Variants in ZMYND11 observed in about 807,000 individuals in gnomAD.
The protein encoded by ZMYND11 is zinc finger MYND-type containing 11, also known as zinc finger MYND domain-containing protein 11.
Under a neutral mutation model 84.9 loss-of-function variants are expected in ZMYND11, and 9 were observed. The observed-to-expected ratio is 0.11, with a 90% confidence interval of 0.06 to 0.18. The LOEUF (loss-of-function observed/expected upper bound fraction) is 0.18, where lower values mean the gene tolerates loss of function less well. Ranked by LOEUF, ZMYND11 falls within the 10% of genes least tolerant of loss-of-function variation. ZMYND11 has a pLI of 1.00. For synonymous variants in ZMYND11, 250 were observed against 244.1 expected, an observed-to-expected ratio of 1.02 and a Z score of -0.23; for missense variants, 409 against 761.0, an observed-to-expected ratio of 0.54 and a Z score of 5.44.
At chr10:175,228 CTG>C (rs1472343800) in intron 1 of ZMYND11, among the ~76,000 whole-genome samples, 2 of 152,178 alleles carry the variant, frequency 1.3e-5, no homozygotes, top group African/African-American at 2.4e-5. Flanking sequence ...TGTGGGAGCT[CTG>C]TATTTTCCAC....
intron 13 of ZMYND11, 38 bp from the exon 14 acceptor site, chr10:248,865 T>C: frequency 6.3e-7 from 1 of 1,574,848 alleles, no homozygotes; most frequent in Non-Finnish European, 8.6e-7. Context: ...TGTGTTAAGT[T>C]GTGTGCTGAC....
chr10:146,438 A>T (rs961619511), intron 1 of ZMYND11, among the ~76,000 whole-genome samples: 1 of 152,154 alleles, frequency 6.6e-6, no homozygotes, highest in Non-Finnish European at 1.5e-5. Flanking sequence ...ATTGCATTGA[A>T]TCTATAGAGT....
chr10:247,719 C>T (rs1952451738), intron 12 of ZMYND11, among the ~76,000 whole-genome samples: 1 of 152,146 alleles, frequency 6.6e-6, no homozygotes, highest in South Asian at 2.1e-4. Flanking sequence ...CAAAGCTTGG[C>T]TAAGTAGGAA....
chr10:207,877 C>T (rs1397767027), intron 2 of ZMYND11, among the ~76,000 whole-genome samples: 2 of 152,184 alleles, frequency 1.3e-5, no homozygotes, highest in East Asian at 1.9e-4. Flanking sequence ...AGAGGCATCA[C>T]GCTACCTGAC....
intron 4 of ZMYND11, among the ~76,000 whole-genome samples, chr10:231,049 T>A (rs540280010): frequency 3.9e-5 from 6 of 152,348 alleles, no homozygotes; most frequent in African/African-American, 1.4e-4. Flanking sequence ...ACATGAAAAT[T>A]ATAAAAAATT....
intron 1 of ZMYND11, among the ~76,000 whole-genome samples, chr10:141,218 A>G (rs569112329): frequency 2.7e-4 from 41 of 152,320 alleles, no homozygotes; most frequent in African/African-American, 9.4e-4. Flanking sequence ...GTCTATTTTC[A>G]TATAAGGAGA....
chr10:190,450 C>T (rs1354716675), intron 2 of ZMYND11, among the ~76,000 whole-genome samples: 2 of 152,188 alleles, frequency 1.3e-5, no homozygotes, highest in African/African-American at 2.4e-5. Context: ...CTCAGATCTG[C>T]GTTTCCCATG....
At chr10:208,105 T>C (rs1944512069) in intron 2 of ZMYND11, among the ~76,000 whole-genome samples, 1 of 152,216 alleles carries the variant, frequency 6.6e-6, no homozygotes, top group African/African-American at 2.4e-5. Context: ...TGTAGAAAGC[T>C]GAAACTGGAT....
chr10:164,810 G>A (rs1352620927), intron 1 of ZMYND11, among the ~76,000 whole-genome samples: 1 of 152,082 alleles, frequency 6.6e-6, no homozygotes, highest in Non-Finnish European at 1.5e-5. Flanking sequence ...ATTGACTTAA[G>A]TAGGAAGATA....
intron 1 of ZMYND11, among the ~76,000 whole-genome samples, chr10:145,186 G>T (rs1330366498): frequency 1.3e-5 from 2 of 149,974 alleles, no homozygotes; most frequent in African/African-American, 4.9e-5. Flanking sequence ...GTATATATGT[G>T]TATATACATA....
chr10:170,197 G>T (rs1844960600), intron 1 of ZMYND11, among the ~76,000 whole-genome samples: 1 of 151,970 alleles, frequency 6.6e-6, no homozygotes, highest in African/African-American at 2.4e-5. Flanking sequence ...TTCATAAAAA[G>T]TAAAGATACA....
intron 1 of ZMYND11, among the ~76,000 whole-genome samples, chr10:139,078 C>G (rs1235081054): frequency 6.6e-6 from 1 of 151,890 alleles, no homozygotes; most frequent in Non-Finnish European, 1.5e-5. Context: ...AGCGCTGGGA[C>G]TATAGGCATG....
chr10:215,508 A>G (rs1215755752), intron 3 of ZMYND11, among the ~76,000 whole-genome samples: 2 of 151,254 alleles, frequency 1.3e-5, no homozygotes, highest in Non-Finnish European at 2.9e-5. Flanking sequence ...GAGCAACTGC[A>G]CGCATGATAT....
In ZMYND11 at chr10:180,055, A is replaced by G. The variant is rs746606830; in HGVS notation, c.43A>G (p.Ile15Val). The change falls in exon 2 of 15, where the codon ATC (isoleucine) becomes GTC (valine). Residue 15 changes from isoleucine to valine, a missense_variant. Around this residue, in one of 7 missense-constraint regions of ZMYND11, gnomAD observed 73 missense variants for 185.8 expected, o/e 0.39. Coordinates refer to ENST00000381604, the MANE Select transcript of ZMYND11 (RefSeq NM_001370100.5). ...AAGACGACAGGCGGATACAAAAGCT[A>G]TCCAGCATCTTTGGGCAGCCATTGA... ...TKRRQADTKA[I>V]QHLWAAIEII... 1.2e-6 allele frequency: 2 copies of G among 1,613,868 alleles called. No homozygotes were observed. Among genetic ancestry groups the G allele is most frequent in the East Asian group, 4.5e-5 (2 of 44,842 alleles).
chr10:213,343 G>A (rs1945601123), intron 3 of ZMYND11, among the ~76,000 whole-genome samples: 1 of 152,092 alleles, frequency 6.6e-6, no homozygotes, highest in African/African-American at 2.4e-5. Flanking sequence ...ATTTGAGTCT[G>A]GGGCCCATGC....
At chr10:179,277 C>A (rs946942001) in intron 1 of ZMYND11, among the ~76,000 whole-genome samples, 1 of 152,108 alleles carries the variant, frequency 6.6e-6, no homozygotes, top group Non-Finnish European at 1.5e-5. Flanking sequence ...CAGGAGACAG[C>A]AGGAAAATTA....
intron 4 of ZMYND11, among the ~76,000 whole-genome samples, chr10:227,309 T>C (rs1948300863): frequency 6.6e-6 from 1 of 152,180 alleles, no homozygotes; most frequent in Non-Finnish European, 1.5e-5. Flanking sequence ...CTCAGAATGA[T>C]ACATGTTTTG....
At chr10:168,152 G>A (rs1290900080) in intron 1 of ZMYND11, among the ~76,000 whole-genome samples, 11 of 152,000 alleles carry the variant, frequency 7.2e-5, no homozygotes, top group Admixed American at 7.2e-4. Context: ...CTGCTGGGCA[G>A]ACAATACTAC....
intron 1 of ZMYND11, among the ~76,000 whole-genome samples, chr10:163,971 T>G (rs1454541094): frequency 6.6e-6 from 1 of 152,112 alleles, no homozygotes; most frequent in African/African-American, 2.4e-5. Context: ...TATTGTTTGG[T>G]TTCTTGCCTG....
Sources: allele counts gnomAD v4.1 joint callset (sites outside exome capture counted in the v4.1 genomes callset), GRCh38; gene constraint gnomAD v4.1.1; regional missense constraint gnomAD v4.1.1; transcripts MANE v1.5; gene names NCBI Gene and HGNC (gene_info 2026-07-23, HGNC 2026-07-21).